EXOC6: variants seen among roughly 807,000 people sequenced by gnomAD.
The protein encoded by EXOC6 is exocyst complex component 6.
A neutral mutation model predicts 112.5 loss-of-function variants in EXOC6; 60 were observed. The observed-to-expected ratio is 0.53, with a 90% CI of 0.43 to 0.66. EXOC6 has a LOEUF of 0.66. Among genes scored for constraint, EXOC6 ranks in the 30% least tolerant of loss-of-function variants. The pLI is 0.00. For missense variants in EXOC6, 855 were observed against 957.1 expected, an observed-to-expected ratio of 0.89 and a Z score of 1.41; for synonymous variants, 295 against 308.0, an observed-to-expected ratio of 0.96 and a Z score of 0.44.
At chr10:92,853,982 T>G (rs1184114743) in intron 1 of EXOC6, among the ~76,000 whole-genome samples, 2 of 137,432 alleles carry the variant, frequency 1.5e-5, no homozygotes, top group Non-Finnish European at 3.0e-5. Context: ...CACTCCAGTC[T>G]GGGCAACAGA....
In EXOC6 at chr10:92,827,412, T is replaced by G. The variant is rs1411172348; in HGVS notation, c.-27+468T>G. On this transcript the variant is annotated intron_variant, in intron 1 of 22. Transcript: ENST00000671701. ...TGGCTTGAGCCCAGGAGGCGGAGGT[T>G]GCAGTGAGACGAGATGGCACCACTG... Among the ~76,000 whole-genome samples the G allele has an allele frequency of 2.6e-4, 34 of 129,788 alleles. No homozygotes were observed. In the Admixed American group the frequency reaches 3.5e-3, roughly 13 times the overall value. 85.1% of individuals were successfully genotyped at this position (129,788 alleles called of 152,430 possible). A position where few individuals can be genotyped will look rare whatever the true frequency, so the allele number is the denominator to read the frequency against.
chr10:92,983,141 T>G (rs1304698963), intron 18 of EXOC6, among the ~76,000 whole-genome samples: 1 of 152,232 alleles, frequency 6.6e-6, no homozygotes, highest in East Asian at 1.9e-4. Context: ...AGACAAATTA[T>G]TTAACCTCTG....
chr10:92,924,462 G>C (rs1409119080), intron 8 of EXOC6, among the ~76,000 whole-genome samples: 1 of 152,038 alleles, frequency 6.6e-6, no homozygotes, highest in South Asian at 2.1e-4. Context: ...CGATAAAGTG[G>C]GTAAAGCTGT....
At chr10:92,896,097 G>A (rs1477272607) in intron 4 of EXOC6, among the ~76,000 whole-genome samples, 1 of 19,714 alleles carries the variant, frequency 5.1e-5, no homozygotes, top group African/African-American at 4.0e-4. Flanking sequence ...ATATATATGT[G>A]TGTATATATA....
chr10:92,967,384 T>C (rs1842113766), intron 17 of EXOC6, among the ~76,000 whole-genome samples: 1 of 152,124 alleles, frequency 6.6e-6, no homozygotes, highest in African/African-American at 2.4e-5. Context: ...TCTAGATATT[T>C]GGTCTCTACC....
chr10:93,000,952 G>T lies in EXOC6; in HGVS notation c.2095+3337G>T, dbSNP rs7917558. Among the ~76,000 whole-genome samples the T allele has an allele frequency of 2.7e-3, 418 of 152,176 alleles. 1 individual carries two copies. The highest frequency in any genetic ancestry group is 0.017 in the Middle Eastern group (5 of 294). On this transcript the variant is annotated intron_variant, in intron 19 of 21. Coordinates refer to ENST00000260762, the MANE Select transcript of EXOC6 (RefSeq NM_019053.6). ...GCTTTCTCTAATAAATATGTTAAAAGAATTTTAAAAATAAGTTTTCATGTT... is the reference window on the plus strand; with the variant it reads ...GCTTTCTCTAATAAATATGTTAAAATAATTTTAAAAATAAGTTTTCATGTT...
chr10:92,904,333 G>T (rs1215270076), intron 5 of EXOC6, among the ~76,000 whole-genome samples: 1 of 152,010 alleles, frequency 6.6e-6, no homozygotes, highest in East Asian at 1.9e-4. Context: ...GTGATTGCTG[G>T]ATCATATGGT....
rs1192540194 is a variant in EXOC6 at position 93,037,115 on chromosome 10, A to AT, written c.2170-19804dup. Among the ~76,000 whole-genome samples the AT allele has an allele frequency of 2.0e-5, 3 of 146,622 alleles. No homozygotes were observed. The South Asian group carries it at 6.6e-4, about 32-fold the overall frequency. ...ATCTTTTCTCTCAAAATTAATTCAC[A>AT]TTTTTGCCAAACTTCCTTTCTTCTT... On this transcript the variant is annotated intron_variant, in intron 20 of 21. Transcript: ENST00000260762.
chr10:92,854,369 G>A (rs1370370054), intron 1 of EXOC6, among the ~76,000 whole-genome samples: 4 of 151,984 alleles, frequency 2.6e-5, no homozygotes, highest in South Asian at 2.1e-4. Context: ...CCTGGGAGGC[G>A]GAGGATGCAT....
intron 9 of EXOC6, among the ~76,000 whole-genome samples, chr10:92,929,822 G>A (rs1851929024): frequency 6.6e-6 from 1 of 152,188 alleles, no homozygotes; most frequent in African/African-American, 2.4e-5. Context: ...AATTACTGAA[G>A]TGAGACATGA....
At chr10:93,050,759 CAAAAAAAAA>C (rs58439083) in intron 20 of EXOC6, among the ~76,000 whole-genome samples, 13 of 37,308 alleles carry the variant, frequency 3.5e-4, no homozygotes, top group Admixed American at 2.0e-3. Context: ...GACTCCGTCT[CAAAAAAAAA>C]AAAAAAAAAA....
chr10:92,909,340 T>C (rs1325013068), intron 5 of EXOC6, 87 bp from the exon 6 acceptor site: 1 of 861,898 alleles, frequency 1.2e-6, no homozygotes, highest in South Asian at 2.1e-5. Context: ...TGATGAATAA[T>C]CAGTGTAAAA....
chr10:93,019,283 A>G (rs1844675708), intron 20 of EXOC6, among the ~76,000 whole-genome samples: 1 of 152,036 alleles, frequency 6.6e-6, no homozygotes, highest in Non-Finnish European at 1.5e-5. Context: ...CTTGGCCCAA[A>G]ATGATTTTTT....
chr10:92,913,074 A>G (rs1035078262), intron 6 of EXOC6, among the ~76,000 whole-genome samples: 8 of 152,132 alleles, frequency 5.3e-5, no homozygotes, highest in East Asian at 3.9e-4. Context: ...TCTTTACACA[A>G]TCCTGCATGC....
At chr10:92,939,205 A>G (rs1852520951) in intron 12 of EXOC6, among the ~76,000 whole-genome samples, 1 of 152,088 alleles carries the variant, frequency 6.6e-6, no homozygotes, top group Non-Finnish European at 1.5e-5. Flanking sequence ...TTTGAATGAA[A>G]TTTTGAGAAT....
intron 1 of EXOC6, among the ~76,000 whole-genome samples, chr10:92,852,577 A>G (rs897782133): frequency 1.3e-5 from 2 of 152,230 alleles, no homozygotes; most frequent in East Asian, 1.9e-4. Flanking sequence ...TGTGAAGAAT[A>G]CATCATGATC....
Position 92,848,573 on chromosome 10 carries a change from C to T in EXOC6, c.40C>T (p.His14Tyr). Reference sequence around the variant, plus strand: ...CGAGAGTCTGGGCACCGTCCCCGAGCACGAGCGGATCTTGCAGGAGATCGA... The same window carrying T: ...CGAGAGTCTGGGCACCGTCCCCGAGTACGAGCGGATCTTGCAGGAGATCGA... The part of the protein sequence containing the change: ...NSESLGTVPE[H>Y]ERILQEIEST... The change falls in exon 1 of 22, where the codon CAC (histidine) becomes TAC (tyrosine). Residue 14 changes from histidine to tyrosine, a missense_variant. Coordinates refer to ENST00000260762, the MANE Select transcript of EXOC6 (RefSeq NM_019053.6). 6.9e-7 allele frequency: 1 copy of T among 1,453,894 alleles called. No homozygotes were observed. 90.1% of individuals were successfully genotyped at this position (1,453,894 alleles called of 1,614,324 possible). A position where few individuals can be genotyped will look rare whatever the true frequency, so the allele number is the denominator to read the frequency against.
At chr10:93,007,226 G>A (rs575038499) in intron 19 of EXOC6, among the ~76,000 whole-genome samples, 9 of 151,828 alleles carry the variant, frequency 5.9e-5, no homozygotes, top group African/African-American at 2.2e-4. Flanking sequence ...TTCCCCCCTC[G>A]TAACAAACCC....
At chr10:92,860,197 C>CAT (rs1418090062) in intron 1 of EXOC6, among the ~76,000 whole-genome samples, 1 of 149,750 alleles carries the variant, frequency 6.7e-6, no homozygotes, top group Non-Finnish European at 1.5e-5. Flanking sequence ...ATAATTTCTA[C>CAT]ATATAAAGTT....
Sources: allele counts gnomAD v4.1 joint callset (sites outside exome capture counted in the v4.1 genomes callset), GRCh38; gene constraint gnomAD v4.1.1; transcripts MANE v1.5; gene names NCBI Gene and HGNC (gene_info 2026-07-23, HGNC 2026-07-21).